The following WRN variants were observed in gnomAD, a reference collection of about 807,000 sequenced individuals.
The protein encoded by WRN is bifunctional 3'-5' exonuclease/ATP-dependent helicase WRN.
In WRN, 149 loss-of-function variants were observed where a neutral mutation model predicts 180.7. The observed-to-expected ratio is 0.82, with a 90% CI of 0.72 to 0.94. The LOEUF is 0.94. Among genes scored for constraint, WRN ranks in the 40% least tolerant of loss-of-function variants. The probability of loss-of-function intolerance (pLI) is 0.00; values close to 1 mark genes in which losing one functional copy is unlikely to be tolerated. For missense variants in WRN, 1,661 were observed against 1,700.1 expected, an observed-to-expected ratio of 0.98 and a Z score of 0.40; for synonymous variants, 548 against 568.9, an observed-to-expected ratio of 0.96 and a Z score of 0.52.
At chr8:31,107,251 C>T (rs965074841) in intron 18 of WRN, among the ~76,000 whole-genome samples, 7 of 53,578 alleles carry the variant, frequency 1.3e-4, no homozygotes, top group African/African-American at 3.5e-4. Flanking sequence ...GGACCGATTT[C>T]CATTAATTTA....
chr8:31,035,394 A>G (rs1053949989), intron 1 of WRN, among the ~76,000 whole-genome samples: 1 of 152,166 alleles, frequency 6.6e-6, no homozygotes, highest in Non-Finnish European at 1.5e-5. Context: ...GAGAGAACTT[A>G]CCTTGACGTT....
intron 3 of WRN, among the ~76,000 whole-genome samples, chr8:31,061,100 A>T (rs1812469018): frequency 1.3e-5 from 2 of 152,060 alleles, no homozygotes; most frequent in African/African-American, 4.8e-5. Context: ...CACAAGTTTG[A>T]TTGCTTGATA....
chr8:31,131,531 C>G (rs988940632), intron 23 of WRN: 1 of 152,366 alleles, frequency 6.6e-6, no homozygotes, highest in African/African-American at 2.4e-5. Flanking sequence ...ACAGGTCCCC[C>G]TTTTAGTAGA....
intron 16 of WRN, among the ~76,000 whole-genome samples, chr8:31,093,924 A>G (rs1014103714): frequency 1.3e-5 from 2 of 152,214 alleles, no homozygotes; most frequent in African/African-American, 4.8e-5. Context: ...ATGTTATTAC[A>G]GTGATTAATA....
At chr8:31,093,053 T>A (rs1210207994) in intron 16 of WRN, among the ~76,000 whole-genome samples, 4 of 152,168 alleles carry the variant, frequency 2.6e-5, no homozygotes, top group Non-Finnish European at 4.4e-5. Context: ...CAAGCTATCC[T>A]CCTGCCTCTC....
chr8:31,115,747 C>T (rs567834123), intron 19 of WRN, among the ~76,000 whole-genome samples: 6 of 152,252 alleles, frequency 3.9e-5, no homozygotes, highest in African/African-American at 1.4e-4. Flanking sequence ...GTTGTTTATA[C>T]TTCTATGGAA....
intron 32 of WRN, among the ~76,000 whole-genome samples, chr8:31,155,434 C>T (rs1433337816): frequency 6.6e-6 from 1 of 151,890 alleles, no homozygotes; most frequent in Non-Finnish European, 1.5e-5. Flanking sequence ...ACCAGTTGGA[C>T]AACATAGGGA....
chr8:31,034,815 G>A (rs537659753), intron 1 of WRN, among the ~76,000 whole-genome samples: 1 of 152,274 alleles, frequency 6.6e-6, no homozygotes, highest in Admixed American at 6.5e-5. Flanking sequence ...TTGGTTTACA[G>A]AGATACCATT....
chr8:31,113,651 A>G (rs1801406827), intron 19 of WRN, among the ~76,000 whole-genome samples: 1 of 150,196 alleles, frequency 6.7e-6, no homozygotes, highest in African/African-American at 2.5e-5. Context: ...TTATAATAAC[A>G]CTCTCCTTTT....
intron 17 of WRN, 89 bp downstream of exon 17, chr8:31,096,939 T>C (rs998834810): frequency 3.2e-6 from 4 of 1,235,414 alleles, no homozygotes; most frequent in Non-Finnish European, 4.7e-6. Context: ...TCACTTCTGT[T>C]AAAGTTTATT....
chr8:31,038,442 A>G (rs1020803242), intron 1 of WRN, among the ~76,000 whole-genome samples: 1 of 151,392 alleles, frequency 6.6e-6, no homozygotes, highest in African/African-American at 2.4e-5. Context: ...GAATTGTGGG[A>G]GATCTTTATA....
intron 8 of WRN, among the ~76,000 whole-genome samples, chr8:31,077,323 C>T (rs1394779347): frequency 6.6e-6 from 1 of 152,254 alleles, no homozygotes; most frequent in Middle Eastern, 3.4e-3. Context: ...TCACTGCAAG[C>T]TCCGCCTCCC....
chr8:31,100,762 TA>T, intron 17 of WRN, 86 bp from the exon 18 acceptor site: 1 of 1,102,814 alleles, frequency 9.1e-7, no homozygotes, highest in Non-Finnish European at 1.3e-6. Context: ...TTGATTTGGT[TA>T]TTTATTCTCC....
intron 18 of WRN, among the ~76,000 whole-genome samples, chr8:31,101,692 C>T (rs1461193275): frequency 1.4e-5 from 2 of 144,742 alleles, no homozygotes; most frequent in Non-Finnish European, 3.0e-5. Context: ...GAGGCTGAGG[C>T]AGGGGAATTG....
At chr8:31,084,351 T>A (rs1813439894) in intron 10 of WRN, among the ~76,000 whole-genome samples, 2 of 152,222 alleles carry the variant, frequency 1.3e-5, no homozygotes, top group African/African-American at 2.4e-5. Flanking sequence ...GCCATTTTTT[T>A]ATTGGGTACC....
intron 18 of WRN, among the ~76,000 whole-genome samples, chr8:31,107,888 T>C (rs1473550224): frequency 6.6e-6 from 1 of 152,232 alleles, no homozygotes; most frequent in African/African-American, 2.4e-5. Flanking sequence ...GTGGGGTTTT[T>C]CTATTACTTT....
chr8:31,129,331 T>G (rs1355118715), intron 23 of WRN, among the ~76,000 whole-genome samples: 2 of 152,230 alleles, frequency 1.3e-5, no homozygotes, highest in African/African-American at 2.4e-5. Context: ...GCCTTTTGTT[T>G]ATGTGTTATG....
chr8:31,075,710 ACT>A (rs1813070070), intron 7 of WRN, among the ~76,000 whole-genome samples: 1 of 146,776 alleles, frequency 6.8e-6, no homozygotes, highest in Non-Finnish European at 1.5e-5. Context: ...ACAGAGTGAG[ACT>A]CTGTCTCAAA....
In WRN at chr8:31,044,502, G is replaced by T. The variant is rs112561136; in HGVS notation, c.-77+10529G>T. Among the ~76,000 whole-genome samples the T allele has an allele frequency of 9.0e-3, 1,371 of 151,818 alleles. 14 individuals carry two copies. The highest frequency in any genetic ancestry group is 0.031 in the African/African-American group (1,282 of 41,418). On this transcript the variant is annotated intron_variant, in intron 1 of 34. Transcript: ENST00000298139. ...CTCCTGAGTAGCTGGGATTACAGGC[G>T]CCCGCCACCATGCTCTGCTAATTTT...
Sources: allele counts gnomAD v4.1 joint callset (sites outside exome capture counted in the v4.1 genomes callset), GRCh38; gene constraint gnomAD v4.1.1; transcripts MANE v1.5; gene names NCBI Gene and HGNC (gene_info 2026-07-23, HGNC 2026-07-21).